The following AP3D1 variants were observed in gnomAD, a reference collection of about 807,000 sequenced individuals.
AP3D1 encodes the protein adaptor related protein complex 3 subunit delta 1.
AP3D1 carries 51 observed loss-of-function variants against 147.6 expected under a neutral mutation model. The observed-to-expected ratio is 0.35, with a 90% CI of 0.28 to 0.44. The LOEUF is 0.44. AP3D1 is among the 20% of genes least tolerant of loss of function. AP3D1 has a pLI of 1.00. For synonymous variants in AP3D1, 760 were observed against 663.0 expected (o/e 1.15, Z -2.25); for missense variants, 1,421 against 1,624.2 (o/e 0.87, Z 2.15).
intron 31 of AP3D1, among the ~76,000 whole-genome samples, chr19:2,105,696 C>G (rs540875335): frequency 6.6e-6 from 1 of 152,296 alleles, no homozygotes; most frequent in Non-Finnish European, 1.5e-5. Flanking sequence ...TCCTCTAGCG[C>G]CACTGGGTTA....
At chr19:2,131,364 CG>C (rs2018935690) in intron 5 of AP3D1, among the ~76,000 whole-genome samples, 2 of 134,522 alleles carry the variant, frequency 1.5e-5, no homozygotes, top group Admixed American at 7.4e-5. Context: ...CCATCGGCCA[CG>C]ATCTAGACAC....
In AP3D1 at chr19:2,109,154, T is replaced by C. The variant is rs535042101; in HGVS notation, c.3404A>G (p.Lys1135Arg). The C allele has an allele frequency of 6.2e-7, 1 of 1,610,108 alleles. No homozygotes were observed. Among genetic ancestry groups the C allele is most frequent in the Non-Finnish European group, 8.5e-7 (1 of 1,178,774 alleles). ...ESGDLSMSSI[K>R]VDGIRMSFQN... ...GAAGGACATCCGAATGCCATCGACT[T>C]TGATTGAGCTCATGCTCAAGTCCCC... Residue 1135 changes from lysine to arginine, a missense_variant, in exon 30 of 32, where the codon AAA becomes AGA. Transcript: ENST00000643116.
chr19:2,128,533 G>A (rs1473872329), intron 8 of AP3D1, among the ~76,000 whole-genome samples: 3 of 107,094 alleles, frequency 2.8e-5, no homozygotes, highest in Non-Finnish European at 1.8e-5. Context: ...ACTGCACCCC[G>A]TGGAGCCGGC....
rs1471783534 is a variant in AP3D1 at position 2,111,775 on chromosome 19, G to A, written c.2841C>T (p.Thr947=). 3.1e-6 allele frequency: 5 copies of A among 1,613,194 alleles called. No individual in the cohort carries two copies. In the East Asian group the frequency reaches 1.1e-4, roughly 36 times the overall value. ...GCTTCTTGGACTTCTTCTTGCCTTT[G>A]GTCCGCTCCTCCTTCTCCTTCCTGT... ...KKHRKEKEER[T]KGKKKSKKQP... is the part of the protein sequence containing the mutation. The change falls in exon 25 of 32, where the codon ACC becomes ACT. Residue 947 remains threonine (T), a synonymous_variant. Coordinates refer to ENST00000643116, the MANE Select transcript of AP3D1 (RefSeq NM_001261826.3).
intron 31 of AP3D1, among the ~76,000 whole-genome samples, chr19:2,103,103 G>A (rs904806823): frequency 2.0e-5 from 3 of 152,180 alleles, no homozygotes; most frequent in Admixed American, 6.5e-5. Context: ...CAGCCTGGGC[G>A]ATAAGAGTGA....
intron 1 of AP3D1, among the ~76,000 whole-genome samples, chr19:2,144,501 C>T (rs1315342746): frequency 1.3e-5 from 2 of 152,188 alleles, no homozygotes; most frequent in Non-Finnish European, 2.9e-5. Flanking sequence ...AGGACCAGAC[C>T]CCGGCCAGCC....
chr19:2,156,500 A>AACCCATCCATCCACCCACCC (rs2019646294), upstream of AP3D1, among the ~76,000 whole-genome samples: 2 of 151,024 alleles, frequency 1.3e-5, no homozygotes, highest in Admixed American at 1.3e-4. Flanking sequence ...CTCACCCACT[A>AACCCATCCATCCACCCACCC]ACCCATCCAT....
At chr19:2,157,225 G>C (rs1450847858) in intron 1 of AP3D1, among the ~76,000 whole-genome samples, 3 of 151,174 alleles carry the variant, frequency 2.0e-5, no homozygotes, top group African/African-American at 7.3e-5. Flanking sequence ...GGCGGATCAC[G>C]AGGTCAGGAG....
chr19:2,153,812 G>A (rs2019623569), upstream of AP3D1, among the ~76,000 whole-genome samples: 1 of 152,230 alleles, frequency 6.6e-6, no homozygotes, highest in Non-Finnish European at 1.5e-5. Flanking sequence ...TTGCAAGCTA[G>A]TGCTAAACAG....
At chr19:2,139,286 C>T (rs1030144248) in intron 1 of AP3D1, among the ~76,000 whole-genome samples, 6 of 152,102 alleles carry the variant, frequency 3.9e-5, no homozygotes, top group Admixed American at 3.3e-4. Flanking sequence ...CCGCTATACA[C>T]GCCCCACCGT....
intron 14 of AP3D1, among the ~76,000 whole-genome samples, chr19:2,119,782 A>C (rs566146335): frequency 6.6e-6 from 1 of 151,682 alleles, no homozygotes; most frequent in African/African-American, 2.4e-5. Flanking sequence ...AAGAATACAA[A>C]AAAATTAGCC....
At chr19:2,135,898 A>G (rs1247745281) in intron 4 of AP3D1, among the ~76,000 whole-genome samples, 3 of 151,358 alleles carry the variant, frequency 2.0e-5, no homozygotes, top group African/African-American at 7.3e-5. Context: ...CCTCCCAGTT[A>G]CCACCTGCAA....
chr19:2,113,995 G>C, intron 22 of AP3D1, 130 bp downstream of exon 22: 1 of 1,438,298 alleles, frequency 7.0e-7, no homozygotes, highest in Non-Finnish European at 9.2e-7. Flanking sequence ...CGGGGCACAG[G>C]GCGAGGCGGC....
intron 1 of AP3D1, among the ~76,000 whole-genome samples, chr19:2,162,182 A>C (rs1004065222): frequency 6.0e-5 from 9 of 150,892 alleles, no homozygotes; most frequent in African/African-American, 1.7e-4. Context: ...GACTACAGGC[A>C]CGAGTCACCA....
At chr19:2,144,144 C>T (rs982725716) in intron 1 of AP3D1, among the ~76,000 whole-genome samples, 4 of 152,108 alleles carry the variant, frequency 2.6e-5, no homozygotes, top group African/African-American at 9.7e-5. Context: ...AAAGGGGACG[C>T]GCCGGCGAAG....
chr19:2,112,715 C>T (rs1479298082), intron 24 of AP3D1, 145 bp downstream of exon 24: 1 of 585,982 alleles, frequency 1.7e-6, no homozygotes, highest in East Asian at 3.0e-5. Context: ...ACCACAACCA[C>T]AACAAAAGGC....
chr19:2,121,070 G>C lies in AP3D1; in HGVS notation c.1273C>G (p.Leu425Val). 6.2e-7 allele frequency: 1 copy of C among 1,613,646 alleles called. No individual in the cohort carries two copies. Among genetic ancestry groups the C allele is most frequent in the Non-Finnish European group, 8.5e-7 (1 of 1,179,960 alleles). Residue 425 changes from leucine (L) to valine (V), a missense_variant, in exon 14 of 32, where the codon CTG (leucine) becomes GTG (valine). Leu to Val is a conservative substitution (Grantham distance 32). Transcript: ENST00000643116. ...TGCCGTGTGCCCTCCAGCCGGGTCA[G>C]CTCCACCAGGATGCTGATGTACCTG... ...FEWYISILVE[L>V]TRLEGTRHGH...
chr19:2,111,908 C>A, intron 24 of AP3D1, 80 bp from the exon 25 acceptor site: 1 of 1,592,048 alleles, frequency 6.3e-7, no homozygotes. Context: ...AGGATCACAG[C>A]AGGGCTGCTC....
intron 1 of AP3D1, among the ~76,000 whole-genome samples, chr19:2,143,965 A>C (rs868364409): frequency 5.9e-5 from 9 of 152,112 alleles, no homozygotes; most frequent in Middle Eastern, 3.4e-3. Context: ...TCGCACCTGT[A>C]ATCCCAGCTA....
Sources: gnomAD v4.1 joint callset for allele counts (sites outside exome capture counted in the v4.1 genomes callset) on GRCh38, gnomAD v4.1.1 for gene constraint, MANE v1.5 for transcripts, NCBI Gene and HGNC (gene_info 2026-07-23, HGNC 2026-07-21) for gene names.